The following OR1L8 variants were observed in gnomAD, a reference collection of about 807,000 sequenced individuals.
OR1L8 encodes olfactory receptor 1L8.
For synonymous variants in OR1L8, 148 were observed against 147.0 expected (o/e 1.01, Z -0.05); for missense variants, 330 against 377.4 (o/e 0.87, Z 1.04).
At chr9:122,557,917 C>T in the OR1L8 span, among the ~76,000 whole-genome samples, 1 of 151,876 alleles carries the variant, frequency 6.6e-6, no homozygotes, top group African/African-American at 2.4e-5. Context: ...ATGTTCATTT[C>T]TTCTTGTATG....
At chr9:122,553,569 G>A in the OR1L8 span, 1 of 1,614,072 alleles carries the variant, frequency 6.2e-7, no homozygotes, top group East Asian at 2.2e-5. Flanking sequence ...CCTGCTGGCT[G>A]TGATGGCATA....
the OR1L8 span, among the ~76,000 whole-genome samples, chr9:122,549,552 A>G: frequency 0.19 from 28,649 of 152,140 alleles, 2,980 homozygotes; most frequent in East Asian, 0.33. Context: ...GGTGAGAAAT[A>G]TGGGTCCAGT....
At chr9:122,582,708 C>A (rs2118755155) in intron 1 of OR1L8, among the ~76,000 whole-genome samples, 1 of 151,854 alleles carries the variant, frequency 6.6e-6, no homozygotes, top group African/African-American at 2.4e-5. Flanking sequence ...AGAGTGAGAC[C>A]CTGTCTCTTA....
chr9:122,561,724 C>T, the OR1L8 span, among the ~76,000 whole-genome samples: 7 of 152,230 alleles, frequency 4.6e-5, no homozygotes, highest in East Asian at 5.8e-4. Flanking sequence ...CCATTGGTAT[C>T]GCTGACCTTG....
chr9:122,560,624 T>A, the OR1L8 span, among the ~76,000 whole-genome samples: 10 of 152,308 alleles, frequency 6.6e-5, no homozygotes, highest in African/African-American at 2.4e-4. Flanking sequence ...GCGTTGAAAA[T>A]TCTTCTCTTT....
At chr9:122,551,295 C>T in the OR1L8 span, among the ~76,000 whole-genome samples, 1 of 152,200 alleles carries the variant, frequency 6.6e-6, no homozygotes. Flanking sequence ...ATTCCACTCT[C>T]TCCACTTAAT....
At chr9:122,563,987 T>C (rs1477835529), downstream of OR1L8, among the ~76,000 whole-genome samples, 1 of 152,228 alleles carries the variant, frequency 6.6e-6, no homozygotes, top group Non-Finnish European at 1.5e-5. Context: ...TTTATGACCA[T>C]GCTGTTTCAG....
downstream of OR1L8, among the ~76,000 whole-genome samples, chr9:122,566,829 A>C (rs1283158140): frequency 6.6e-6 from 1 of 152,202 alleles, no homozygotes; most frequent in East Asian, 1.9e-4. Flanking sequence ...CACATAGTTT[A>C]TGGGAAGGTG....
At chr9:122,550,655 AT>A in the OR1L8 span, among the ~76,000 whole-genome samples, 201 of 152,282 alleles carry the variant, frequency 1.3e-3, no homozygotes, top group African/African-American at 4.7e-3. Context: ...AAACCTTATA[AT>A]CATCTCAATA....
intron 3 of OR1L8, among the ~76,000 whole-genome samples, chr9:122,576,213 T>G (rs1022492507): frequency 4.0e-5 from 6 of 151,350 alleles, no homozygotes; most frequent in African/African-American, 1.5e-4. Context: ...TGTAACATTT[T>G]CTTTTTTACA....
chr9:122,565,251 A>G (rs990561469), downstream of OR1L8, among the ~76,000 whole-genome samples: 3 of 152,232 alleles, frequency 2.0e-5, no homozygotes, highest in Admixed American at 2.0e-4. Flanking sequence ...CCTGGGGAAG[A>G]GCAATGTGAA....
At chr9:122,560,926 A>T in the OR1L8 span, among the ~76,000 whole-genome samples, 1 of 152,206 alleles carries the variant, frequency 6.6e-6, no homozygotes, top group South Asian at 2.1e-4. Context: ...TGTGTTTTCC[A>T]TCTTGGTTCC....
the OR1L8 span, chr9:122,553,109 G>T: frequency 8.2e-7 from 1 of 1,221,062 alleles, no homozygotes; most frequent in Non-Finnish European, 1.2e-6. Context: ...TTTTCTCCCA[G>T]CACAGTTCTG....
the OR1L8 span, among the ~76,000 whole-genome samples, chr9:122,558,522 T>G: frequency 6.6e-6 from 1 of 151,748 alleles, no homozygotes; most frequent in African/African-American, 2.4e-5. Flanking sequence ...TCATACTTTC[T>G]GCAGTTAGAA....
downstream of OR1L8, among the ~76,000 whole-genome samples, chr9:122,566,662 C>G (rs1015400204): frequency 1.3e-5 from 2 of 152,076 alleles, no homozygotes; most frequent in Non-Finnish European, 2.9e-5. Context: ...CTGGGATTTC[C>G]CTGAACATCT....
chr9:122,578,775 G>A (rs946568184), intron 1 of OR1L8, among the ~76,000 whole-genome samples: 2 of 152,048 alleles, frequency 1.3e-5, no homozygotes, highest in Non-Finnish European at 2.9e-5. Flanking sequence ...AAAGGCATAA[G>A]AATGATACAA....
chr9:122,576,555 T>A (rs1447891762), intron 3 of OR1L8, among the ~76,000 whole-genome samples: 1 of 152,090 alleles, frequency 6.6e-6, no homozygotes, highest in East Asian at 1.9e-4. Context: ...TTATATTCAC[T>A]CATTGTTGGG....
downstream of OR1L8, among the ~76,000 whole-genome samples, chr9:122,565,122 C>T (rs1288218219): frequency 6.6e-6 from 1 of 152,164 alleles, no homozygotes; most frequent in African/African-American, 2.4e-5. Flanking sequence ...TGTCTGGCCC[C>T]TCTTACACCC....
chr9:122,563,872 T>C (rs943088851), downstream of OR1L8, among the ~76,000 whole-genome samples: 13 of 152,252 alleles, frequency 8.5e-5, no homozygotes, highest in Non-Finnish European at 1.6e-4. Flanking sequence ...GAAACTGTGC[T>C]TTTCCCAATG....
Sources: gnomAD v4.1 joint callset for allele counts (sites outside exome capture counted in the v4.1 genomes callset) on GRCh38, gnomAD v4.1.1 for gene constraint, MANE v1.5 for transcripts, NCBI Gene and HGNC (gene_info 2026-07-23, HGNC 2026-07-21) for gene names.